The following BBX variants were observed in gnomAD, a reference collection of about 807,000 sequenced individuals.
BBX encodes HMG box transcription factor BBX.
BBX carries 30 observed loss-of-function variants against 100.2 expected under a neutral mutation model. The ratio of observed to expected loss-of-function variants is 0.30; its 90% CI spans 0.22 to 0.41. The LOEUF (loss-of-function observed/expected upper bound fraction) is 0.41. Ranked by LOEUF, BBX falls within the 10% of genes least tolerant of loss-of-function variation. The pLI is 1.00. For synonymous variants in BBX, 376 were observed against 388.1 expected, an observed-to-expected ratio of 0.97 and a Z score of 0.37; for missense variants, 1,023 against 1,129.8, an observed-to-expected ratio of 0.91 and a Z score of 1.35.
intron 2 of BBX, among the ~76,000 whole-genome samples, chr3:107,562,119 C>T (rs1440308752): frequency 6.6e-6 from 1 of 152,100 alleles, no homozygotes; most frequent in Non-Finnish European, 1.5e-5. Flanking sequence ...TTTCATGATT[C>T]ATTCTTGCAC....
chr3:107,600,624 T>C (rs1053394642), intron 2 of BBX, among the ~76,000 whole-genome samples: 1 of 152,244 alleles, frequency 6.6e-6, no homozygotes, highest in East Asian at 1.9e-4. Flanking sequence ...ACACTGGCTG[T>C]TATAACCCAA....
At chr3:107,638,123 C>T (rs1381545502) in intron 2 of BBX, among the ~76,000 whole-genome samples, 1 of 152,140 alleles carries the variant, frequency 6.6e-6, no homozygotes, top group African/African-American at 2.4e-5. Flanking sequence ...CACTGTATTG[C>T]CTAGGCTGGT....
chr3:107,793,263 T>C (rs983450228), intron 15 of BBX, among the ~76,000 whole-genome samples: 2 of 152,122 alleles, frequency 1.3e-5, no homozygotes, highest in Non-Finnish European at 2.9e-5. Context: ...CACTTTTGAG[T>C]CTTACAGGCA....
intron 3 of BBX, chr3:107,684,675 G>GT (rs2059748819): frequency 6.6e-6 from 1 of 152,182 alleles, no homozygotes; most frequent in African/African-American, 2.4e-5. Context: ...TGAGAGTGGG[G>GT]TGCCTAACTG....
At chr3:107,713,365 A>G (rs1352359744) in intron 4 of BBX, among the ~76,000 whole-genome samples, 1 of 152,132 alleles carries the variant, frequency 6.6e-6, no homozygotes, top group Non-Finnish European at 1.5e-5. Flanking sequence ...TGTTGTTAGA[A>G]GTTATCTCCT....
At chr3:107,640,887 C>T (rs1305430427) in intron 2 of BBX, among the ~76,000 whole-genome samples, 1 of 152,240 alleles carries the variant, frequency 6.6e-6, no homozygotes, top group East Asian at 1.9e-4. Flanking sequence ...GTCTTGAACT[C>T]CTGACCTCAG....
intron 4 of BBX, among the ~76,000 whole-genome samples, chr3:107,711,554 G>T (rs1216704665): frequency 6.6e-6 from 1 of 152,008 alleles, no homozygotes; most frequent in Non-Finnish European, 1.5e-5. Context: ...ACCCTCTAAG[G>T]TCTCTCTTAC....
chr3:107,633,128 T>G (rs2056647883), intron 2 of BBX, among the ~76,000 whole-genome samples: 1 of 152,102 alleles, frequency 6.6e-6, no homozygotes, highest in South Asian at 2.1e-4. Context: ...ATGGGAAAAC[T>G]TTATTATATA....
chr3:107,639,100 A>G (rs1412280419), intron 2 of BBX, among the ~76,000 whole-genome samples: 2 of 152,212 alleles, frequency 1.3e-5, no homozygotes, highest in Non-Finnish European at 2.9e-5. Context: ...CTTGGAACTG[A>G]AGATTTTCCA....
intron 2 of BBX, among the ~76,000 whole-genome samples, chr3:107,608,482 G>A (rs1422558291): frequency 6.6e-6 from 1 of 152,118 alleles, no homozygotes. Flanking sequence ...AGTATACTTT[G>A]AAGTCAGTTA....
At chr3:107,764,915 G>C (rs2066253570) in intron 10 of BBX, among the ~76,000 whole-genome samples, 1 of 152,156 alleles carries the variant, frequency 6.6e-6, no homozygotes, top group South Asian at 2.1e-4. Context: ...CTACAGTGTT[G>C]ATGAGTGCAT....
At chr3:107,802,912 TC>T (rs2070676078) in intron 17 of BBX, among the ~76,000 whole-genome samples, 3 of 152,328 alleles carry the variant, frequency 2.0e-5, no homozygotes, top group African/African-American at 7.2e-5. Context: ...CTTCTCTCAG[TC>T]CTCCTGATGC....
chr3:107,567,982 C>T (rs2051048396), intron 2 of BBX, among the ~76,000 whole-genome samples: 1 of 151,096 alleles, frequency 6.6e-6, no homozygotes, highest in African/African-American at 2.4e-5. Context: ...CTCTTATTCT[C>T]CTCCATTCTC....
chr3:107,755,737 C>G, intron 10 of BBX, 59 bp downstream of exon 10: 1 of 1,406,236 alleles, frequency 7.1e-7, no homozygotes, highest in Non-Finnish European at 1.0e-6. Flanking sequence ...ACAAAATATT[C>G]TAACAGTGTT....
At chr3:107,728,712 CT>C (rs2063125369) in intron 5 of BBX, 52 bp from the exon 6 acceptor site, 1 of 1,514,894 alleles carries the variant, frequency 6.6e-7, no homozygotes. Flanking sequence ...GCCTTTAGAA[CT>C]TTTTCAATCT....
chr3:107,699,787 TG>T (rs142008715), intron 3 of BBX, among the ~76,000 whole-genome samples: 3,175 of 152,056 alleles, frequency 0.021, 68 homozygotes, highest in Non-Finnish European at 0.03. Flanking sequence ...CACAAGGGTA[TG>T]GTGGAGGCAG....
chr3:107,763,528 A>G (rs1270520709), intron 10 of BBX, among the ~76,000 whole-genome samples: 1 of 152,238 alleles, frequency 6.6e-6, no homozygotes, highest in East Asian at 1.9e-4. Context: ...TTTATCTTTA[A>G]AGCGAGTCCG....
At chr3:107,669,770 A>T (rs1161235671) in intron 3 of BBX, among the ~76,000 whole-genome samples, 1 of 152,154 alleles carries the variant, frequency 6.6e-6, no homozygotes, top group Admixed American at 6.5e-5. Context: ...CAGATTTATT[A>T]TCTGTTTCCA....
intron 15 of BBX, among the ~76,000 whole-genome samples, chr3:107,792,600 T>C (rs917560918): frequency 6.6e-6 from 1 of 152,250 alleles, no homozygotes; most frequent in African/African-American, 2.4e-5. Flanking sequence ...ACTACATCTA[T>C]TATCTCACTT....
Sources: gnomAD v4.1 joint callset for allele counts (sites outside exome capture counted in the v4.1 genomes callset) on GRCh38, gnomAD v4.1.1 for gene constraint, MANE v1.5 for transcripts, NCBI Gene and HGNC (gene_info 2026-07-23, HGNC 2026-07-21) for gene names.